Variants in AMPH observed in about 807,000 individuals in gnomAD.
AMPH encodes the protein amphiphysin (Stiff-Mann syndrome with breast cancer 128kD autoantigen).
Under a neutral mutation model 99.1 loss-of-function variants are expected in AMPH, and 49 were observed. The ratio of observed to expected loss-of-function variants is 0.49; its 90% CI spans 0.39 to 0.63. AMPH has a LOEUF of 0.63. Among genes scored for constraint, AMPH ranks in the 20% least tolerant of loss-of-function variants. The probability of loss-of-function intolerance (pLI) is 0.00; values close to 1 mark genes in which losing one functional copy is unlikely to be tolerated. For synonymous variants in AMPH, 314 were observed against 317.3 expected (o/e 0.99, Z 0.11); for missense variants, 759 against 863.4 (o/e 0.88, Z 1.52).
intron 1 of AMPH, among the ~76,000 whole-genome samples, chr7:38,612,672 C>T (rs1793728254): frequency 1.3e-5 from 2 of 152,148 alleles, no homozygotes; most frequent in Non-Finnish European, 1.5e-5. Flanking sequence ...GTCTCTTTCC[C>T]CATGGTTGAA....
At chr7:38,454,626 AG>A (rs34165390) in intron 11 of AMPH, among the ~76,000 whole-genome samples, 3 of 152,182 alleles carry the variant, frequency 2.0e-5, no homozygotes, top group Non-Finnish European at 4.4e-5. Flanking sequence ...CAAAATCAGT[AG>A]GAACACTGAC....
At chr7:38,409,282 G>T (rs574343547) in intron 17 of AMPH, among the ~76,000 whole-genome samples, 1 of 152,146 alleles carries the variant, frequency 6.6e-6, no homozygotes, top group African/African-American at 2.4e-5. Context: ...CTTGTCTGAA[G>T]TTCCTTGGCA....
intron 17 of AMPH, among the ~76,000 whole-genome samples, chr7:38,398,625 T>G (rs1236258121): frequency 6.6e-6 from 1 of 152,120 alleles, no homozygotes; most frequent in Non-Finnish European, 1.5e-5. Context: ...TAGTATTTCA[T>G]AACACAAACA....
At chr7:38,626,885 GC>G (rs35725928) in intron 1 of AMPH, among the ~76,000 whole-genome samples, 23,595 of 152,118 alleles carry the variant, frequency 0.16, 1,941 homozygotes, top group Middle Eastern at 0.22. Flanking sequence ...TTCATGATAA[GC>G]TTTTTACTAA....
intron 17 of AMPH, among the ~76,000 whole-genome samples, chr7:38,398,203 A>G (rs976638839): frequency 1.3e-5 from 2 of 151,296 alleles, no homozygotes; most frequent in Non-Finnish European, 3.0e-5. Flanking sequence ...AAACAAAAAA[A>G]AAAGGGAAAT....
At chr7:38,620,030 A>C (rs1312597748) in intron 1 of AMPH, among the ~76,000 whole-genome samples, 2 of 152,174 alleles carry the variant, frequency 1.3e-5, no homozygotes, top group Non-Finnish European at 2.9e-5. Context: ...GATCCTCCCA[A>C]GGTTTGGACC....
chr7:38,406,731 C>CCTCTCTCTCT lies in AMPH; in HGVS notation c.1398+11084_1398+11093dup, dbSNP rs56738810. 1.1e-3 allele frequency among the ~76,000 whole-genome samples: 85 copies of CCTCTCTCTCT among 80,506 alleles called. 1 individual carries two copies. Among genetic ancestry groups the CCTCTCTCTCT allele is most frequent in the African/African-American group, 3.6e-3 (66 of 18,204 alleles). 52.8% of individuals were successfully genotyped at this position (80,506 alleles called of 152,430 possible). On this transcript the variant is annotated intron_variant, in intron 17 of 20. Coordinates refer to ENST00000356264, the MANE Select transcript of AMPH (RefSeq NM_001635.4). Reference sequence around the variant, plus strand: ...CTCCTCTCCTCTCTCTCTCCCTTTCCCTCTCTCTCTCTCTCTCTCTCTCTC... The same window carrying CCTCTCTCTCT: ...CTCCTCTCCTCTCTCTCTCCCTTTCCCTCTCTCTCTCTCTCTCTCTCTCTCTCTCTCTCTC...
At chr7:38,456,877 T>C (rs1787255246) in intron 11 of AMPH, among the ~76,000 whole-genome samples, 1 of 152,194 alleles carries the variant, frequency 6.6e-6, no homozygotes, top group African/African-American at 2.4e-5. Flanking sequence ...CTGCCTCCAC[T>C]GGGGCCCAAA....
chr7:38,412,454 A>C (rs972731793), intron 17 of AMPH, among the ~76,000 whole-genome samples: 1 of 152,224 alleles, frequency 6.6e-6, no homozygotes, highest in Admixed American at 6.5e-5. Context: ...ACACTCCAGA[A>C]GGCAGGGAAG....
intron 1 of AMPH, among the ~76,000 whole-genome samples, chr7:38,601,500 T>C (rs1368359953): frequency 6.6e-6 from 1 of 152,206 alleles, no homozygotes; most frequent in Non-Finnish European, 1.5e-5. Context: ...TCTAGGACAC[T>C]CAAAGCTGTA....
At chr7:38,431,656 T>TAA (rs76704369) in intron 13 of AMPH, among the ~76,000 whole-genome samples, 4 of 120,458 alleles carry the variant, frequency 3.3e-5, no homozygotes, top group Admixed American at 8.7e-5. Context: ...GACTCCGTCT[T>TAA]AAAAAAAAAA....
chr7:38,409,698 C>T (rs1271138301), intron 17 of AMPH, among the ~76,000 whole-genome samples: 1 of 152,174 alleles, frequency 6.6e-6, no homozygotes, highest in African/African-American at 2.4e-5. Context: ...CCCTCAGCAG[C>T]CGGGTCCCAG....
At chr7:38,550,073 C>G (rs1280134025) in intron 1 of AMPH, among the ~76,000 whole-genome samples, 1 of 152,208 alleles carries the variant, frequency 6.6e-6, no homozygotes, top group Non-Finnish European at 1.5e-5. Flanking sequence ...GTAAACACTT[C>G]CAACTCTTGT....
intron 2 of AMPH, among the ~76,000 whole-genome samples, chr7:38,525,277 T>TATATATATAGAGAGAGAGAGAGAG (rs1481528083): frequency 1.2e-5 from 1 of 86,662 alleles, no homozygotes; most frequent in African/African-American, 4.7e-5. Context: ...TATATATATA[T>TATATATATAGAGAGAGAGAGAGAG]AGAGAGAGAG....
intron 1 of AMPH, among the ~76,000 whole-genome samples, chr7:38,575,059 A>G (rs978894509): frequency 3.3e-5 from 5 of 151,182 alleles, no homozygotes; most frequent in Admixed American, 6.6e-5. Flanking sequence ...TCTAAAAAAA[A>G]AAAAAAAAAA....
At chr7:38,441,043 G>C (rs1368687557) in intron 11 of AMPH, among the ~76,000 whole-genome samples, 1 of 151,814 alleles carries the variant, frequency 6.6e-6, no homozygotes, top group Non-Finnish European at 1.5e-5. Context: ...GAAGTATGTA[G>C]ACACAAATAG....
chr7:38,451,004 C>G (rs532067403), intron 11 of AMPH, among the ~76,000 whole-genome samples: 1 of 151,910 alleles, frequency 6.6e-6, no homozygotes, highest in African/African-American at 2.4e-5. Flanking sequence ...GATCCACCTG[C>G]CTCTCAGCCT....
intron 3 of AMPH, among the ~76,000 whole-genome samples, chr7:38,502,803 T>C (rs2129026795): frequency 6.6e-6 from 1 of 152,262 alleles, no homozygotes; most frequent in Non-Finnish European, 1.5e-5. Context: ...CCTACTGAAG[T>C]TAATAGAGTC....
chr7:38,463,133 T>C lies in AMPH; in HGVS notation c.750-20A>G. ...GAATCACTAGAGGAACACAGGGGAT[T>C]GGGCAAGGGGCCTTCTCAAGAACAG... On this transcript the variant is annotated intron_variant, in intron 9 of 20. Coordinates refer to ENST00000356264, the MANE Select transcript of AMPH (RefSeq NM_001635.4). 6.2e-7 allele frequency: 1 copy of C among 1,613,914 alleles called. No individual in the cohort carries two copies. The highest frequency in any genetic ancestry group is 8.5e-7 in the Non-Finnish European group (1 of 1,179,862).
Sources: gnomAD v4.1 joint callset for allele counts (sites outside exome capture counted in the v4.1 genomes callset) on GRCh38, gnomAD v4.1.1 for gene constraint, MANE v1.5 for transcripts, NCBI Gene and HGNC (gene_info 2026-07-23, HGNC 2026-07-21) for gene names.